The following ARHGEF10L variants were observed in gnomAD, a reference collection of about 807,000 sequenced individuals.
ARHGEF10L encodes Rho guanine nucleotide exchange factor 10 like.
Under a neutral mutation model 141.2 loss-of-function variants are expected in ARHGEF10L, and 69 were observed. The ratio of observed to expected loss-of-function variants is 0.49; its 90% CI spans 0.40 to 0.60. The LOEUF (loss-of-function observed/expected upper bound fraction) is 0.60, where lower values mean the gene tolerates loss of function less well. Among genes scored for constraint, ARHGEF10L ranks in the 20% least tolerant of loss-of-function variants. ARHGEF10L has a pLI of 0.00. For missense variants in ARHGEF10L, 1,482 were observed against 1,734.3 expected, an observed-to-expected ratio of 0.85 and a Z score of 2.58; for synonymous variants, 711 against 718.5, an observed-to-expected ratio of 0.99 and a Z score of 0.17.
At chr1:17,612,448 A>G (rs2059596890) in intron 7 of ARHGEF10L, among the ~76,000 whole-genome samples, 1 of 152,116 alleles carries the variant, frequency 6.6e-6, no homozygotes, top group South Asian at 2.1e-4. Flanking sequence ...TTATCTGTGC[A>G]TCTATTCATT....
At chr1:17,634,320 C>G in intron 16 of ARHGEF10L, 2 of 699,044 alleles carry the variant, frequency 2.9e-6, no homozygotes, top group South Asian at 3.5e-5. Context: ...GTGTCCTTGT[C>G]TGGGATCATC....
the ARHGEF10L span, among the ~76,000 whole-genome samples, chr1:17,530,048 G>C: frequency 6.6e-6 from 1 of 152,104 alleles, no homozygotes; most frequent in Non-Finnish European, 1.5e-5. Context: ...GGCCAGGCTG[G>C]TCTTGAACTC....
intron 26 of ARHGEF10L, among the ~76,000 whole-genome samples, chr1:17,678,505 T>C (rs60198664): frequency 0.074 from 11,095 of 150,406 alleles, 1,180 homozygotes; most frequent in African/African-American, 0.23. Context: ...CTGCAACATC[T>C]GCCTCCCAGG....
intron 4 of ARHGEF10L, 99 bp downstream of exon 4, chr1:17,588,578 G>T (rs941115063): frequency 2.0e-6 from 3 of 1,467,004 alleles, no homozygotes; most frequent in Non-Finnish European, 2.9e-6. Context: ...GGACCCGACT[G>T]GTCTTTGGCT....
chr1:17,664,562 C>G lies in ARHGEF10L; in HGVS notation c.2976C>G (p.Val992=), dbSNP rs554712497. 4 of 1,605,472 alleles carry G rather than the reference C, an allele frequency of 2.5e-6. No homozygotes were observed. In the South Asian group the frequency reaches 4.4e-5, roughly 18 times the overall value. ...TGTGGGCCAGCTGTGGGCCCCGGGT[C>G]ACTGTCCTGGAAGCCACCACCCTGC... ...DAVWASCGPR[V]TVLEATTLQP... Residue 992 remains valine (V), a synonymous_variant, in exon 26 of 29, where the codon GTC becomes GTG. Transcript: ENST00000361221.
At position 17,619,548 on chromosome 1, in the gene ARHGEF10L, T is replaced by G. The variant is rs2059993689; in HGVS notation, c.942+103T>G. On this transcript the variant is annotated intron_variant, in intron 10 of 28. Transcript: ENST00000361221. This position sits in a 1 kb window ranked among gnomAD's most constrained non-coding sequence, Gnocchi z 5.0. ...ACGCTTGTCTGGATCTCACAGGGGATATGATGACTGGGGGCTCTTGGCAGA... is the reference window on the plus strand; with the variant it reads ...ACGCTTGTCTGGATCTCACAGGGGAGATGATGACTGGGGGCTCTTGGCAGA... 1 of 931,408 alleles carries G rather than the reference T, an allele frequency of 1.1e-6. No homozygotes were observed. The highest frequency in any genetic ancestry group is 1.8e-5 in the South Asian group (1 of 56,142). The allele number at this position is 931,408 out of a possible 1,614,324, so 57.7% of individuals were successfully genotyped here. A position where few individuals can be genotyped will look rare whatever the true frequency, so the allele number is the denominator to read the frequency against.
intron 15 of ARHGEF10L, among the ~76,000 whole-genome samples, chr1:17,630,878 G>A (rs1273204055): frequency 4.6e-5 from 7 of 152,080 alleles, no homozygotes; most frequent in Non-Finnish European, 8.8e-5. Flanking sequence ...GAGGAGGCTC[G>A]GGGTGATCTG....
chr1:17,656,162 G>A lies in ARHGEF10L; in HGVS notation c.2705+60G>A, dbSNP rs897891941. The A allele has an allele frequency of 4.0e-6, 6 of 1,512,674 alleles. No individual in the cohort carries two copies. Among genetic ancestry groups the A allele is most frequent in the African/African-American group, 1.4e-5 (1 of 72,502 alleles). The allele number at this position is 1,512,674 out of a possible 1,614,324, so 93.7% of individuals were successfully genotyped here. A position where few individuals can be genotyped will look rare whatever the true frequency, so the allele number is the denominator to read the frequency against. On this transcript the variant is annotated intron_variant, in intron 24 of 28. Coordinates refer to ENST00000361221, the MANE Select transcript of ARHGEF10L (RefSeq NM_018125.4). The surrounding 1 kb of genome is among the most constrained non-coding windows in gnomAD (Gnocchi z 4.9). The stretch of plus-strand genomic sequence containing the variant: ...CTGCAGGGCTGGGCAGTGGGTGGGG[G>A]CTGTCCCTGTAGCCTTCCGGATCTG...
intron 21 of ARHGEF10L, among the ~76,000 whole-genome samples, chr1:17,643,520 T>C (rs1470801697): frequency 6.6e-6 from 1 of 152,148 alleles, no homozygotes; most frequent in Admixed American, 6.5e-5. Context: ...CCTGTTGCAT[T>C]CTTTGGCACA....
At chr1:17,669,405 G>T (rs2063181213) in intron 26 of ARHGEF10L, among the ~76,000 whole-genome samples, 1 of 152,170 alleles carries the variant, frequency 6.6e-6, no homozygotes, top group Admixed American at 6.5e-5. Flanking sequence ...TTACCTATAG[G>T]ATCTCATTTA....
chr1:17,530,528 C>T, the ARHGEF10L span, among the ~76,000 whole-genome samples: 1 of 152,202 alleles, frequency 6.6e-6, no homozygotes, highest in Admixed American at 6.5e-5. Flanking sequence ...TGGTGACACC[C>T]AGGGTTGTGA....
At chr1:17,577,917 T>C (rs907022205) in intron 1 of ARHGEF10L, among the ~76,000 whole-genome samples, 2 of 152,146 alleles carry the variant, frequency 1.3e-5, no homozygotes, top group African/African-American at 4.8e-5. Flanking sequence ...CTCTCTTCCT[T>C]TCTAGGGAAA....
chr1:17,560,683 A>G (rs971527805), intron 1 of ARHGEF10L, among the ~76,000 whole-genome samples: 2 of 152,186 alleles, frequency 1.3e-5, no homozygotes, highest in African/African-American at 2.4e-5. Context: ...TTCCTGCTTC[A>G]GCCTCCTGAA....
chr1:17,638,821 C>T (rs1346872681), intron 20 of ARHGEF10L, 132 bp downstream of exon 20: 12 of 1,345,694 alleles, frequency 8.9e-6, no homozygotes, highest in Admixed American at 2.4e-5. Flanking sequence ...ATGTAGGCAT[C>T]GTGGGCCATG....
intron 21 of ARHGEF10L, among the ~76,000 whole-genome samples, chr1:17,646,801 C>T (rs2061630781): frequency 6.6e-6 from 1 of 151,932 alleles, no homozygotes; most frequent in Non-Finnish European, 1.5e-5. Context: ...TGGGCCCGTC[C>T]CGGCGAGGTT....
At chr1:17,686,079 TTTC>T (rs1205414564) in intron 26 of ARHGEF10L, among the ~76,000 whole-genome samples, 1 of 126,750 alleles carries the variant, frequency 7.9e-6, no homozygotes, top group South Asian at 2.3e-4. Flanking sequence ...TTTTGTTTTT[TTTC>T]TTTCTTTCTT....
At chr1:17,689,683 A>G in intron 27 of ARHGEF10L, 1 of 429,812 alleles carries the variant, frequency 2.3e-6, no homozygotes, top group Non-Finnish European at 4.6e-6. Flanking sequence ...ATCCATTTTA[A>G]CTACGATAAA....
intron 15 of ARHGEF10L, among the ~76,000 whole-genome samples, chr1:17,630,241 C>A (rs1218942478): frequency 6.6e-6 from 1 of 152,258 alleles, no homozygotes; most frequent in African/African-American, 2.4e-5. Context: ...ACCATGCCAG[C>A]TGTTTCAAAA....
intron 25 of ARHGEF10L, among the ~76,000 whole-genome samples, chr1:17,663,560 A>G (rs1173365931): frequency 1.3e-5 from 2 of 151,480 alleles, no homozygotes; most frequent in Non-Finnish European, 2.9e-5. Flanking sequence ...TCTCAAAGAA[A>G]AAAAAAAAAA....
Sources: gnomAD v4.1 joint callset for allele counts (sites outside exome capture counted in the v4.1 genomes callset) on GRCh38, gnomAD v4.1.1 for gene constraint, Gnocchi (gnomAD v3.1) non-coding constraint, MANE v1.5 for transcripts, NCBI Gene and HGNC (gene_info 2026-07-23, HGNC 2026-07-21) for gene names.